The following MME variants were observed in gnomAD, a reference collection of about 807,000 sequenced individuals.
The protein encoded by MME is membrane metalloendopeptidase.
In MME, 98 loss-of-function variants were observed where a neutral mutation model predicts 113.2. That is an observed-to-expected ratio of 0.87 (90% CI 0.74 to 1.02). The LOEUF (loss-of-function observed/expected upper bound fraction) is 1.02, where lower values mean the gene tolerates loss of function less well. Ranked by LOEUF, MME falls within the 50% of genes least tolerant of loss-of-function variation. The pLI is 0.00. For missense variants in MME, 836 were observed against 896.0 expected, an observed-to-expected ratio of 0.93 and a Z score of 0.86; for synonymous variants, 292 against 300.6, an observed-to-expected ratio of 0.97 and a Z score of 0.30.
At chr3:155,086,903 C>T (rs1231920483) in intron 3 of MME, among the ~76,000 whole-genome samples, 4 of 152,096 alleles carry the variant, frequency 2.6e-5, no homozygotes, top group Non-Finnish European at 5.9e-5. Context: ...CTCCTGGGCT[C>T]AAGGCATCCT....
intron 3 of MME, 105 bp from the exon 4 acceptor site, chr3:155,114,889 C>A: frequency 8.6e-7 from 1 of 1,168,192 alleles, no homozygotes; most frequent in Middle Eastern, 2.0e-4. Context: ...ACGGAGCATC[C>A]GACAAATTGA....
intron 18 of MME, 100 bp downstream of exon 18, chr3:155,167,121 C>T: frequency 7.0e-7 from 1 of 1,421,016 alleles, no homozygotes; most frequent in Admixed American, 1.7e-5. Flanking sequence ...TTTATTCAAA[C>T]ATGTATCATT....
intron 1 of MME, among the ~76,000 whole-genome samples, chr3:155,052,390 C>A (rs536912528): frequency 6.6e-6 from 1 of 152,324 alleles, no homozygotes; most frequent in South Asian, 2.1e-4. Flanking sequence ...TCCATGTGCA[C>A]ACCTCTGCCT....
rs1721282580 is a variant in MME at position 155,143,559 on chromosome 3, G to C, written c.1305G>C (p.Glu435Asp). The change falls in exon 13 of 23, where the codon GAG becomes GAC. Residue 435 changes from glutamate to aspartate, a missense_variant. Physicochemically the swap from Glu to Asp is conservative, Grantham distance 45. Coordinates refer to ENST00000360490, the MANE Select transcript of MME (RefSeq NM_007289.4). ...RLYVEAAFAG[E>D]SKHVVEDLIA... Reference sequence around the variant, plus strand: ...ATGTGGAAGCAGCATTTGCTGGAGAGAGTAAACATGTGGTAATGTTTTCAG... The same window carrying C: ...ATGTGGAAGCAGCATTTGCTGGAGACAGTAAACATGTGGTAATGTTTTCAG... 8 of 1,612,206 alleles carry C rather than the reference G, an allele frequency of 5.0e-6. No individual in the cohort carries two copies. The highest frequency in any genetic ancestry group is 6.8e-6 in the Non-Finnish European group (8 of 1,178,608).
chr3:155,130,417 T>C (rs1429264318), intron 8 of MME, among the ~76,000 whole-genome samples: 2 of 152,098 alleles, frequency 1.3e-5, no homozygotes, highest in South Asian at 2.1e-4. Flanking sequence ...GGAAAGGAAC[T>C]GGAGAGTAGA....
In MME at chr3:155,138,150, C is replaced by A. The variant is rs145687755; in HGVS notation, c.769C>A (p.Arg257Ser). The A allele has an allele frequency of 1.5e-5, 24 of 1,613,356 alleles. No homozygotes were observed. The highest frequency in any genetic ancestry group is 6.7e-5 in the African/African-American group (5 of 74,780). The part of the protein sequence containing the change: ...DFMISVARLI[R>S]QEERLPIDEN... Reference sequence around the variant, plus strand: ...TATGATTTCTGTGGCCAGATTGATTCGTCAGGAAGAAAGATTGCCCATCGA... The same window carrying A: ...TATGATTTCTGTGGCCAGATTGATTAGTCAGGAAGAAAGATTGCCCATCGA... Residue 257 changes from arginine (R) to serine (S), a missense_variant, in exon 9 of 23, where the codon CGT becomes AGT. Coordinates refer to ENST00000360490, the MANE Select transcript of MME (RefSeq NM_007289.4).
At position 155,134,364 on chromosome 3, in the gene MME, C is replaced by T. The variant is rs1720446054; in HGVS notation, c.721-3738C>T. Among the ~76,000 whole-genome samples, 4 of 152,106 alleles carry T rather than the reference C, an allele frequency of 2.6e-5. No homozygotes were observed. In the South Asian group the frequency reaches 6.2e-4, roughly 24 times the overall value. ...GTCCTTAAATGCCCAACATTTAGCT[C>T]CTACTTATAAATGAGAACATGTGGT... On this transcript the variant is annotated intron_variant, in intron 8 of 22. Transcript: ENST00000360490.
chr3:155,107,070 G>A (rs1226730753), intron 3 of MME, among the ~76,000 whole-genome samples: 3 of 152,192 alleles, frequency 2.0e-5, no homozygotes, highest in South Asian at 4.1e-4. Flanking sequence ...ATAGTCAATG[G>A]AGGGACCGGG....
intron 3 of MME, among the ~76,000 whole-genome samples, chr3:155,107,759 A>G (rs895270428): frequency 6.6e-6 from 1 of 152,228 alleles, no homozygotes; most frequent in Non-Finnish European, 1.5e-5. Flanking sequence ...GTCTTTCTAC[A>G]CACATGTACT....
chr3:155,137,523 A>G (rs1559942456), intron 8 of MME, among the ~76,000 whole-genome samples: 1 of 152,038 alleles, frequency 6.6e-6, no homozygotes, highest in Non-Finnish European at 1.5e-5. Context: ...TGGCCAACAT[A>G]GTGAAATCCT....
At chr3:155,120,445 T>C (rs1331941722) in intron 8 of MME, among the ~76,000 whole-genome samples, 10 of 75,890 alleles carry the variant, frequency 1.3e-4, no homozygotes, top group African/African-American at 4.0e-4. Context: ...CAATTTTGGC[T>C]TTTGTTGCCA....
Position 155,062,245 on chromosome 3 carries a change from C to G in MME, c.-10-21913C>G, listed in dbSNP as rs546152599. Among the ~76,000 whole-genome samples, 4 of 152,210 alleles carry G rather than the reference C, an allele frequency of 2.6e-5. No individual in the cohort carries two copies. In the East Asian group the frequency reaches 7.7e-4, roughly 29 times the overall value. ...TGCATTGTTCTTTCTGAAATTTCACCTGCATTCTTTTCTATCTGCAAGAAT... is the reference window on the plus strand; with the variant it reads ...TGCATTGTTCTTTCTGAAATTTCACGTGCATTCTTTTCTATCTGCAAGAAT... On this transcript the variant is annotated intron_variant, in intron 1 of 22. Transcript: ENST00000492661.
At chr3:155,130,896 T>C (rs914866269) in intron 8 of MME, among the ~76,000 whole-genome samples, 1 of 152,208 alleles carries the variant, frequency 6.6e-6, no homozygotes, top group Non-Finnish European at 1.5e-5. Flanking sequence ...GCTTATGCTA[T>C]GTGACAGATA....
rs575739902 is a variant in MME, at chr3:155,067,665, C to A, written c.-10-16493C>A. Reference sequence around the variant, plus strand: ...TTCACCAAAAAAGATATATGGATAACAAATAGACACATGAAAAGACACTTA... The same window carrying A: ...TTCACCAAAAAAGATATATGGATAAAAAATAGACACATGAAAAGACACTTA... On this transcript the variant is annotated intron_variant, in intron 1 of 22. Coordinates refer to the MME transcript ENST00000492661. Among the ~76,000 whole-genome samples, 77 of 152,040 alleles carry A rather than the reference C, an allele frequency of 5.1e-4. No homozygotes were observed. In the South Asian group the frequency reaches 0.013, roughly 25 times the overall value.
chr3:155,025,841 C>T (rs1212129091), intron 1 of MME, among the ~76,000 whole-genome samples: 2 of 150,726 alleles, frequency 1.3e-5, no homozygotes, highest in African/African-American at 2.4e-5. Flanking sequence ...ATTACAGGTG[C>T]CCGCCACCAT....
intron 1 of MME, among the ~76,000 whole-genome samples, chr3:155,037,874 G>A (rs1421514003): frequency 6.6e-6 from 1 of 152,118 alleles, no homozygotes; most frequent in African/African-American, 2.4e-5. Context: ...GTGAATTCAA[G>A]AGTGAATAAA....
chr3:155,113,280 A>G (rs372996005), intron 3 of MME, among the ~76,000 whole-genome samples: 15 of 152,024 alleles, frequency 9.9e-5, no homozygotes, highest in African/African-American at 3.1e-4. Flanking sequence ...CACCAAGCTA[A>G]AGATTTTATT....
At chr3:155,103,621 T>C (rs924665088) in intron 3 of MME, among the ~76,000 whole-genome samples, 1 of 152,208 alleles carries the variant, frequency 6.6e-6, no homozygotes, top group African/African-American at 2.4e-5. Context: ...ATTTTCTACT[T>C]GGGTGTAAGC....
intron 9 of MME, among the ~76,000 whole-genome samples, chr3:155,139,533 T>G (rs2108306269): frequency 6.6e-6 from 1 of 152,346 alleles, no homozygotes; most frequent in Non-Finnish European, 1.5e-5. Context: ...TTAAAATTGC[T>G]TTTACTCATT....
Sources: allele counts gnomAD v4.1 joint callset (sites outside exome capture counted in the v4.1 genomes callset), GRCh38; gene constraint gnomAD v4.1.1; transcripts MANE v1.5; gene names NCBI Gene and HGNC (gene_info 2026-07-23, HGNC 2026-07-21).